Variants in MANBA observed in about 807,000 individuals in gnomAD.
MANBA encodes the protein beta-mannosidase.
A neutral mutation model predicts 111.1 loss-of-function variants in MANBA; 83 were observed. The ratio of observed to expected loss-of-function variants is 0.75; its 90% CI spans 0.63 to 0.90. The LOEUF is 0.90. MANBA is among the 40% of genes least tolerant of loss of function. MANBA has a pLI of 0.00. For synonymous variants in MANBA, 370 were observed against 378.7 expected (o/e 0.98, Z 0.27); for missense variants, 1,036 against 1,069.0 (o/e 0.97, Z 0.43).
At chr4:102,665,693 C>G (rs1465986292) in intron 10 of MANBA, 2 of 152,242 alleles carry the variant, frequency 1.3e-5, no homozygotes, top group South Asian at 2.1e-4. Context: ...TTCTAATACA[C>G]TAGGACATGT....
chr4:102,760,957 G>A lies in MANBA; in HGVS notation c.-63C>T, dbSNP rs1382821821. The A allele has an allele frequency of 6.8e-7, 1 of 1,461,686 alleles. No homozygotes were observed. The highest frequency in any genetic ancestry group is 1.4e-5 in the African/African-American group (1 of 71,582). 90.5% of individuals were successfully genotyped at this position (1,461,686 alleles called of 1,614,324 possible). Reference sequence around the variant, plus strand: ...AAGGCAGCGCTGCAAGGGACCGGCGGTGAAGCCACTCACCCCCTCGGAAGT... The same window carrying A: ...AAGGCAGCGCTGCAAGGGACCGGCGATGAAGCCACTCACCCCCTCGGAAGT... On this transcript the variant is annotated 5_prime_UTR_variant, in exon 1 of 17. Coordinates refer to ENST00000647097, the MANE Select transcript of MANBA (RefSeq NM_005908.4).
At chr4:102,632,361 T>C in intron 16 of MANBA, 80 bp from the exon 17 acceptor site, 1 of 1,138,854 alleles carries the variant, frequency 8.8e-7, no homozygotes, top group East Asian at 2.4e-5. Flanking sequence ...CTGTAAACAT[T>C]TATGTGGGCT....
At chr4:102,700,122 C>G (rs1732950097) in intron 5 of MANBA, among the ~76,000 whole-genome samples, 3 of 147,320 alleles carry the variant, frequency 2.0e-5, no homozygotes, top group African/African-American at 5.0e-5. Flanking sequence ...TCCATTTCTT[C>G]TAGATTTTCT....
At chr4:102,685,511 A>T (rs143968852) in intron 7 of MANBA, among the ~76,000 whole-genome samples, 2,965 of 151,988 alleles carry the variant, frequency 0.02, 48 homozygotes, top group African/African-American at 0.046. Context: ...CACCACTATT[A>T]CAACGAAAAC....
chr4:102,636,372 T>C (rs9996834), intron 14 of MANBA, among the ~76,000 whole-genome samples: 1 of 151,928 alleles, frequency 6.6e-6, no homozygotes, highest in Non-Finnish European at 1.5e-5. Context: ...CTGTACAGCA[T>C]ATTGCTGTGC....
At chr4:102,676,297 A>G (rs1204843107) in intron 7 of MANBA, among the ~76,000 whole-genome samples, 2 of 152,228 alleles carry the variant, frequency 1.3e-5, no homozygotes, top group East Asian at 3.8e-4. Flanking sequence ...AGAATTGAAT[A>G]TTTAAACTTA....
chr4:102,674,963 T>C (rs992928755), intron 7 of MANBA, among the ~76,000 whole-genome samples: 3 of 152,226 alleles, frequency 2.0e-5, no homozygotes, highest in South Asian at 2.1e-4. Context: ...TCCTGACTCC[T>C]GACTTTATTT....
chr4:102,710,007 T>C (rs1455954114), intron 5 of MANBA, among the ~76,000 whole-genome samples: 2 of 152,186 alleles, frequency 1.3e-5, no homozygotes, highest in African/African-American at 4.8e-5. Flanking sequence ...AGAAGGAGCA[T>C]ACCTCAACAT....
intron 14 of MANBA, among the ~76,000 whole-genome samples, chr4:102,639,108 G>A (rs1219750574): frequency 6.6e-6 from 1 of 152,068 alleles, no homozygotes; most frequent in African/African-American, 2.4e-5. Context: ...CAGGTTCCAT[G>A]CCAGTCATCT....
intron 1 of MANBA, among the ~76,000 whole-genome samples, chr4:102,741,401 G>A (rs759555705): frequency 2.0e-5 from 3 of 152,248 alleles, no homozygotes; most frequent in Non-Finnish European, 2.9e-5. Flanking sequence ...AGAACTAAAC[G>A]TAGAACTACC....
intron 2 of MANBA, among the ~76,000 whole-genome samples, chr4:102,724,710 C>T (rs1722727850): frequency 6.6e-6 from 1 of 152,118 alleles, no homozygotes; most frequent in Non-Finnish European, 1.5e-5. Context: ...ATAACAGTGC[C>T]TGTACTTAAG....
At chr4:102,724,019 A>G (rs1319335588) in intron 2 of MANBA, 52 bp from the exon 3 acceptor site, 1 of 962,778 alleles carries the variant, frequency 1.0e-6, no homozygotes, top group Non-Finnish European at 1.6e-6. Flanking sequence ...ATTAACTTAG[A>G]TAAGTCTCTT....
chr4:102,635,796 G>A (rs916535082), intron 15 of MANBA, 69 bp downstream of exon 15: 3 of 1,475,238 alleles, frequency 2.0e-6, no homozygotes, highest in African/African-American at 1.4e-5. Context: ...CCAAAAGAAT[G>A]TAACCAAACA....
At chr4:102,745,337 G>A (rs1181560432) in intron 1 of MANBA, among the ~76,000 whole-genome samples, 2 of 152,138 alleles carry the variant, frequency 1.3e-5, no homozygotes, top group Non-Finnish European at 2.9e-5. Context: ...TTCATTCAAG[G>A]GTTTCTGGGC....
At chr4:102,737,580 T>TCACAC (rs575452845) in intron 1 of MANBA, among the ~76,000 whole-genome samples, 1 of 152,106 alleles carries the variant, frequency 6.6e-6, no homozygotes, top group Non-Finnish European at 1.5e-5. Context: ...CCTCCCGGGT[T>TCACAC]CACACCATTC....
intron 11 of MANBA, among the ~76,000 whole-genome samples, chr4:102,660,590 G>C (rs1010231776): frequency 7.9e-5 from 12 of 151,728 alleles, no homozygotes; most frequent in African/African-American, 2.9e-4. Context: ...CAAGTAGCTA[G>C]GACTACAGGC....
intron 1 of MANBA, among the ~76,000 whole-genome samples, chr4:102,755,156 T>C (rs1330798471): frequency 2.0e-5 from 3 of 152,162 alleles, no homozygotes; most frequent in Non-Finnish European, 4.4e-5. Flanking sequence ...AAAGCCCACA[T>C]TGCCAAGACA....
intron 5 of MANBA, among the ~76,000 whole-genome samples, chr4:102,702,149 C>A (rs1733082841): frequency 6.6e-6 from 1 of 151,870 alleles, no homozygotes; most frequent in African/African-American, 2.4e-5. Flanking sequence ...CAGTTGATCG[C>A]ATCGGCTCCT....
chr4:102,699,522 G>A (rs1383707306), intron 5 of MANBA, among the ~76,000 whole-genome samples: 4 of 150,282 alleles, frequency 2.7e-5, no homozygotes, highest in South Asian at 2.1e-4. Context: ...ATTATTTTGA[G>A]ATACGTCCCA....
Sources: gnomAD v4.1 joint callset for allele counts (sites outside exome capture counted in the v4.1 genomes callset) on GRCh38, gnomAD v4.1.1 for gene constraint, MANE v1.5 for transcripts, NCBI Gene and HGNC (gene_info 2026-07-23, HGNC 2026-07-21) for gene names.